Variants in PCCA observed in about 807,000 individuals in gnomAD.
The protein encoded by PCCA is propionyl-CoA carboxylase alpha chain, mitochondrial.
A neutral mutation model predicts 101.3 loss-of-function variants in PCCA; 74 were observed. The ratio of observed to expected loss-of-function variants is 0.73; its 90% CI spans 0.61 to 0.89. The LOEUF (loss-of-function observed/expected upper bound fraction) is 0.89, where lower values mean the gene tolerates loss of function less well. Among genes scored for constraint, PCCA ranks in the 40% least tolerant of loss-of-function variants. PCCA has a pLI of 0.00. For missense variants in PCCA, 891 were observed against 907.0 expected (o/e 0.98, Z 0.23); for synonymous variants, 294 against 313.6 (o/e 0.94, Z 0.66).
intron 6 of PCCA, among the ~76,000 whole-genome samples, chr13:100,176,206 A>C (rs1383925547): frequency 6.6e-6 from 1 of 152,156 alleles, no homozygotes; most frequent in African/African-American, 2.4e-5. Flanking sequence ...GGCTGTGGTC[A>C]GTGTTGTTGG....
intron 8 of PCCA, among the ~76,000 whole-genome samples, chr13:100,238,599 A>G (rs2060946080): frequency 1.3e-5 from 2 of 152,170 alleles, no homozygotes; most frequent in African/African-American, 2.4e-5. Flanking sequence ...TTGAGGTAAA[A>G]TAAACCATAA....
intron 4 of PCCA, among the ~76,000 whole-genome samples, chr13:100,134,054 G>C (rs1361261138): frequency 6.6e-6 from 1 of 152,140 alleles, no homozygotes; most frequent in African/African-American, 2.4e-5. Context: ...TGGCTTCCCT[G>C]CTCTTAGCTT....
At chr13:100,187,296 C>T (rs766412541) in intron 6 of PCCA, among the ~76,000 whole-genome samples, 24 of 152,104 alleles carry the variant, frequency 1.6e-4, no homozygotes, top group Non-Finnish European at 2.9e-4. Context: ...ACTGTAAGAA[C>T]GAATCAAGAT....
intron 19 of PCCA, among the ~76,000 whole-genome samples, chr13:100,383,345 A>G (rs1392476698): frequency 2.0e-5 from 3 of 151,688 alleles, no homozygotes; most frequent in Non-Finnish European, 4.4e-5. Flanking sequence ...ATAAGATTTG[A>G]GACTGGGTGC....
intron 6 of PCCA, among the ~76,000 whole-genome samples, chr13:100,181,679 C>G (rs932901372): frequency 3.3e-5 from 5 of 151,608 alleles, no homozygotes; most frequent in Non-Finnish European, 7.4e-5. Flanking sequence ...TGTCTTGATT[C>G]CTTGTATAAC....
At chr13:100,355,707 T>A (rs2073889920) in intron 18 of PCCA, among the ~76,000 whole-genome samples, 1 of 152,130 alleles carries the variant, frequency 6.6e-6, no homozygotes, top group Non-Finnish European at 1.5e-5. Flanking sequence ...GACCTAATAT[T>A]GATCACCAAA....
chr13:100,300,401 T>C (rs1316474203), intron 12 of PCCA, among the ~76,000 whole-genome samples: 1 of 152,216 alleles, frequency 6.6e-6, no homozygotes, highest in African/African-American at 2.4e-5. Flanking sequence ...AAGATTATTA[T>C]AATGACTAAG....
At chr13:100,195,446 A>G (rs1224643958) in intron 6 of PCCA, among the ~76,000 whole-genome samples, 1 of 152,188 alleles carries the variant, frequency 6.6e-6, no homozygotes, top group African/African-American at 2.4e-5. Flanking sequence ...GTATTTGGCA[A>G]AGTATTTTCA....
At chr13:100,160,666 C>T (rs2054373350) in intron 6 of PCCA, 1 of 151,854 alleles carries the variant, frequency 6.6e-6, no homozygotes, top group African/African-American at 2.4e-5. Context: ...CTGTATTTTC[C>T]CTGCAGGCTT....
intron 19 of PCCA, among the ~76,000 whole-genome samples, chr13:100,381,210 C>T (rs1292602016): frequency 6.6e-6 from 1 of 152,022 alleles, no homozygotes; most frequent in Non-Finnish European, 1.5e-5. Context: ...CAGTGAAACC[C>T]CGTCTCTACT....
At chr13:100,329,721 T>C (rs1264480978) in intron 16 of PCCA, among the ~76,000 whole-genome samples, 1 of 152,188 alleles carries the variant, frequency 6.6e-6, no homozygotes, top group East Asian at 1.9e-4. Context: ...CAACCAGCGA[T>C]GATCAGCTCA....
Position 100,436,856 on chromosome 13 carries a change from A to C in PCCA, c.1845+11125A>C, listed in dbSNP as rs116806261. Among the ~76,000 whole-genome samples the C allele has an allele frequency of 9.6e-3, 1,463 of 152,296 alleles. 23 individuals carry two copies. Among genetic ancestry groups the C allele is most frequent in the African/African-American group, 0.033 (1,379 of 41,550 alleles). On this transcript the variant is annotated intron_variant, in intron 20 of 23. Transcript: ENST00000376285. ...GATTCTTTTTAGTTCCTGACCTCCC[A>C]ACATTTGCGAAATCCATACTCCATT...
At chr13:100,465,710 T>G (rs1470325596) in intron 21 of PCCA, among the ~76,000 whole-genome samples, 1 of 152,190 alleles carries the variant, frequency 6.6e-6, no homozygotes, top group East Asian at 1.9e-4. Flanking sequence ...AGAACATGTC[T>G]CCAGATATAA....
chr13:100,527,050 C>T (rs573810145), intron 22 of PCCA, among the ~76,000 whole-genome samples: 3 of 151,494 alleles, frequency 2.0e-5, no homozygotes, highest in African/African-American at 7.3e-5. Flanking sequence ...CAGGGCCGAG[C>T]TGTTCCCAGT....
At chr13:100,448,986 T>C (rs1197559173) in intron 20 of PCCA, among the ~76,000 whole-genome samples, 1 of 152,246 alleles carries the variant, frequency 6.6e-6, no homozygotes, top group African/African-American at 2.4e-5. Context: ...CCAATCTACC[T>C]TCCATCTCCA....
At chr13:100,150,780 C>T in intron 4 of PCCA, 1 of 1,586,862 alleles carries the variant, frequency 6.3e-7, no homozygotes, top group Non-Finnish European at 8.6e-7. Context: ...TGGCGTCCAG[C>T]TTGCTCCTCT....
Position 100,302,950 on chromosome 13 carries a change from A to T in PCCA, c.1236A>T (p.Pro412=). 6.2e-7 allele frequency: 1 copy of T among 1,606,252 alleles called. No individual in the cohort carries two copies. The highest frequency in any genetic ancestry group is 8.5e-7 in the Non-Finnish European group (1 of 1,172,994). The change falls in exon 14 of 24, where the codon CCA becomes CCT. Residue 412 remains proline, a synonymous_variant. Transcript: ENST00000376285. ...AEDPYKSFGL[P]SIGRLSQYQE... is the part of the protein sequence containing the mutation. Reference sequence around the variant, plus strand: ...ACCCCTACAAGTCTTTTGGTTTACCATCTATTGGGAGATTGTCTCAGTACC... The same window carrying T: ...ACCCCTACAAGTCTTTTGGTTTACCTTCTATTGGGAGATTGTCTCAGTACC...
intron 18 of PCCA, among the ~76,000 whole-genome samples, chr13:100,344,191 GAGA>G: frequency 6.6e-6 from 1 of 152,352 alleles, no homozygotes; most frequent in Non-Finnish European, 1.5e-5. Flanking sequence ...GAAGTATTAT[GAGA>G]AGTGTTAAGA....
chr13:100,222,216 T>A (rs552155879), intron 7 of PCCA, among the ~76,000 whole-genome samples: 21 of 152,078 alleles, frequency 1.4e-4, no homozygotes, highest in African/African-American at 5.1e-4. Flanking sequence ...AATTTTTGTA[T>A]TTTTAGTAAT....
Sources: allele counts gnomAD v4.1 joint callset (sites outside exome capture counted in the v4.1 genomes callset), GRCh38; gene constraint gnomAD v4.1.1; transcripts MANE v1.5; gene names NCBI Gene and HGNC (gene_info 2026-07-23, HGNC 2026-07-21).